RNF126: variants seen among roughly 807,000 people sequenced by gnomAD.
The protein encoded by RNF126 is ring finger protein 126.
A neutral mutation model predicts 41.9 loss-of-function variants in RNF126; 20 were observed. The observed-to-expected ratio is 0.48, with a 90% confidence interval of 0.34 to 0.69. The LOEUF is 0.69. Ranked by LOEUF, RNF126 falls within the 30% of genes least tolerant of loss-of-function variation. The pLI is 0.01. For synonymous variants in RNF126, 239 were observed against 202.9 expected, an observed-to-expected ratio of 1.18 and a Z score of -1.51; for missense variants, 433 against 460.6, an observed-to-expected ratio of 0.94 and a Z score of 0.55.
chr19:652,140 G>A (rs2030334395), intron 3 of RNF126, 93 bp downstream of exon 3: 5 of 1,097,078 alleles, frequency 4.6e-6, no homozygotes, highest in Non-Finnish European at 6.3e-6. Flanking sequence ...GTGCGGGCAG[G>A]GAGAGCCGGG....
At chr19:660,265 G>A (rs971617255) in intron 1 of RNF126, among the ~76,000 whole-genome samples, 2 of 152,258 alleles carry the variant, frequency 1.3e-5, no homozygotes, top group Non-Finnish European at 2.9e-5. Flanking sequence ...CAGGTGAGGA[G>A]ACTGAGGCCA....
rs994988852 is a variant in RNF126 at position 651,838 on chromosome 19, C to G, written c.216G>C (p.Leu72=). The change falls in exon 4 of 9, where the codon CTG becomes CTC. Residue 72 remains leucine (L), a synonymous_variant. Coordinates refer to ENST00000292363, the MANE Select transcript of RNF126 (RefSeq NM_194460.3). ...RPPLEHVDQH[L]FTLPQGYGQF... ...GTCCGTAGCCCTGCGGCAGCGTGAA[C>G]AGGTGCTGGTCCACGTGCTGGGGAG... 9 of 1,610,892 alleles carry G rather than the reference C, an allele frequency of 5.6e-6. 1 individual carries two copies. Among genetic ancestry groups the G allele is most frequent in the African/African-American group, 2.7e-5 (2 of 74,872 alleles).
chr19:655,372 CAA>C (rs1277929573), intron 1 of RNF126, among the ~76,000 whole-genome samples: 1 of 151,434 alleles, frequency 6.6e-6, no homozygotes, highest in Non-Finnish European at 1.5e-5. Flanking sequence ...TAAAAACGGG[CAA>C]AGTCGGGAGG....
chr19:662,548 G>C (rs1365593154), intron 1 of RNF126, among the ~76,000 whole-genome samples: 2 of 152,116 alleles, frequency 1.3e-5, no homozygotes, highest in African/African-American at 4.8e-5. Context: ...AGCCTGCAGC[G>C]AGGCGCCGGC....
chr19:654,914 C>A (rs1194473923), intron 1 of RNF126, among the ~76,000 whole-genome samples: 1 of 151,672 alleles, frequency 6.6e-6, no homozygotes, highest in Non-Finnish European at 1.5e-5. Flanking sequence ...CTGCAACGAG[C>A]CGAGATCATG....
chr19:651,681 G>C lies in RNF126; in HGVS notation c.373C>G (p.Arg125Gly). The stretch of plus-strand genomic sequence containing the variant: ...GTGGTGAGGCGGGCGCGGGGCTGTC[G>C]GGCGCCGTACCGGTGCCGGGACGGA... The part of the protein sequence containing the change: ...DHPSRHRYGA[R>G]QPRARLTTRR... Residue 125 changes from arginine (R) to glycine (G), a missense_variant, in exon 4 of 9, where the codon CGA becomes GGA. Physicochemically the swap from Arg to Gly is moderately radical, Grantham distance 125. This residue lies in a region of RNF126 where 247 missense variants were observed against 224.7 expected (regional missense o/e 1.10). Transcript: ENST00000292363. 6.3e-7 allele frequency: 1 copy of C among 1,578,628 alleles called. No individual in the cohort carries two copies. Among genetic ancestry groups the C allele is most frequent in the Non-Finnish European group, 8.6e-7 (1 of 1,163,706 alleles).
chr19:659,766 CTTTTT>C lies in RNF126; in HGVS notation c.75+3276_75+3280del, dbSNP rs35641190. 2.9e-5 allele frequency among the ~76,000 whole-genome samples: 4 copies of C among 138,846 alleles called. No homozygotes were observed. Among genetic ancestry groups the C allele is most frequent in the African/African-American group, 8.0e-5 (3 of 37,414 alleles). The allele number at this position is 138,846 out of a possible 152,430, so 91.1% of individuals were successfully genotyped here. On this transcript the variant is annotated intron_variant, in intron 1 of 8. Transcript: ENST00000292363. This position sits in a 1 kb window ranked among gnomAD's most constrained non-coding sequence, Gnocchi z 4.9. Reference sequence around the variant, plus strand: ...GACACCCAGACACCCTCGTCATCGCCTTTTTTTTTTTTTTTTGGAAGGAGTCTTGC... The same window carrying C: ...GACACCCAGACACCCTCGTCATCGCCTTTTTTTTTTTGGAAGGAGTCTTGC...
Position 651,655 on chromosome 19 carries a change from C to T in RNF126, c.399G>A (p.Thr133=), listed in dbSNP as rs540219467. 3.2e-3 allele frequency: 4,906 copies of T among 1,531,182 alleles called. 12 individuals carry two copies. The highest frequency in any genetic ancestry group is 3.5e-3 in the Non-Finnish European group (3,962 of 1,138,948). The allele number at this position is 1,531,182 out of a possible 1,614,324, so 94.8% of individuals were successfully genotyped here. A position where few individuals can be genotyped will look rare whatever the true frequency, so the allele number is the denominator to read the frequency against. ...GARQPRARLT[T]RRATGRHEGV... ...CTTCGTGCCGGCCGGTGGCCCGCCGCGTGGTGAGGCGGGCGCGGGGCTGTC... is the reference window on the plus strand; with the variant it reads ...CTTCGTGCCGGCCGGTGGCCCGCCGTGTGGTGAGGCGGGCGCGGGGCTGTC... Residue 133 remains threonine, a synonymous_variant, in exon 4 of 9, where the codon ACG becomes ACA. Coordinates refer to ENST00000292363, the MANE Select transcript of RNF126 (RefSeq NM_194460.3).
At chr19:660,885 C>T (rs1001842926) in intron 1 of RNF126, among the ~76,000 whole-genome samples, 2 of 152,248 alleles carry the variant, frequency 1.3e-5, no homozygotes, top group Non-Finnish European at 1.5e-5. Flanking sequence ...CGCCTTGTTG[C>T]GTCCTGCTCC....
chr19:653,705 G>C (rs2030433557), intron 1 of RNF126, among the ~76,000 whole-genome samples: 1 of 152,118 alleles, frequency 6.6e-6, no homozygotes. Flanking sequence ...CCAGGGGCTG[G>C]GCAGATGCCG....
chr19:663,062 G>A lies in RNF126; in HGVS notation c.60C>T (p.Ile20=), dbSNP rs1416285861. ...RYFCHCCSVE[I]VPRLPDYICP... ...CGGGCCTCACCGGCAGGCGCGGGAC[G>A]ATCTCCACGGAGCAGCAGTGGCAGA... The change falls in exon 1 of 9, where the codon ATC becomes ATT. Residue 20 remains isoleucine (I), a synonymous_variant. Coordinates refer to ENST00000292363, the MANE Select transcript of RNF126 (RefSeq NM_194460.3). 4 of 1,377,890 alleles carry A rather than the reference G, an allele frequency of 2.9e-6. No individual in the cohort carries two copies. The highest frequency in any genetic ancestry group is 1.9e-6 in the Non-Finnish European group (2 of 1,060,884). 85.4% of individuals were successfully genotyped at this position (1,377,890 alleles called of 1,614,324 possible).
intron 5 of RNF126, among the ~76,000 whole-genome samples, chr19:650,023 T>C (rs2030195899): frequency 7.0e-6 from 1 of 142,782 alleles, no homozygotes; most frequent in Non-Finnish European, 1.5e-5. Flanking sequence ...AGGCTGGGGA[T>C]GGGGACAGGC....
Position 648,213 on chromosome 19 carries a change from C to G in RNF126, c.851G>C (p.Gly284Ala). 2 of 1,604,944 alleles carry G rather than the reference C, an allele frequency of 1.2e-6. No individual in the cohort carries two copies. The highest frequency in any genetic ancestry group is 1.7e-6 in the Non-Finnish European group (2 of 1,175,940). Residue 284 changes from glycine to alanine, a missense_variant, in exon 9 of 9, where the codon GGC becomes GCC. Physicochemically the swap from Gly to Ala is moderately conservative, Grantham distance 60. Around this residue, in one of 5 missense-constraint regions of RNF126, gnomAD observed 63 missense variants for 47.9 expected, o/e 1.32. Coordinates refer to ENST00000292363, the MANE Select transcript of RNF126 (RefSeq NM_194460.3). The stretch of plus-strand genomic sequence containing the variant: ...GGAGGAGAAGCTCACCCCAGTGAGG[C>G]CAGGGGGGTTCGTGGCCGTGTTCTG... ...TGQNTATNPP[G>A]LTGVSFSSSS...
At chr19:650,460 G>C (rs1451048660) in intron 4 of RNF126, 164 bp from the exon 5 acceptor site, 2 of 594,158 alleles carry the variant, frequency 3.4e-6, no homozygotes, top group Admixed American at 6.4e-5. Context: ...CTCTAATGCC[G>C]AGGCAGGAGA....
intron 6 of RNF126, 91 bp downstream of exon 6, chr19:649,588 G>A: frequency 9.5e-7 from 1 of 1,054,478 alleles, no homozygotes; most frequent in South Asian, 1.4e-5. Flanking sequence ...ACCTTTGTGG[G>A]GCTTCGTGGG....
intron 2 of RNF126, 87 bp downstream of exon 2, chr19:652,739 C>CG (rs1197204462): frequency 8.0e-6 from 10 of 1,247,904 alleles, no homozygotes; most frequent in South Asian, 3.7e-5. Context: ...CCACACTCGG[C>CG]GGGGCGGACG....
chr19:663,156 C>A lies in RNF126; in HGVS notation c.-35G>T, dbSNP rs916432453. ...CACCTACTCCGCGCCGCCCGCCCCC[C>A]GCGCGGCACCCGCCGCCGGCCGTTT... On this transcript the variant is annotated 5_prime_UTR_variant, in exon 1 of 9. Transcript: ENST00000292363. 1.8e-6 allele frequency: 2 copies of A among 1,092,644 alleles called. No homozygotes were observed. The allele number at this position is 1,092,644 out of a possible 1,614,324, so 67.7% of individuals were successfully genotyped here. A position where few individuals can be genotyped will look rare whatever the true frequency, so the allele number is the denominator to read the frequency against.
At position 652,502 on chromosome 19, in the gene RNF126, C is replaced by T. The variant is rs537982514; in HGVS notation, c.135-206G>A. The stretch of plus-strand genomic sequence containing the variant: ...GGGTTTCTCGATAAACCGGTGCAGA[C>T]CCCAACAGCCTCCTAAGCGTGAGAA... On this transcript the variant is annotated intron_variant, in intron 2 of 8. Coordinates refer to ENST00000292363, the MANE Select transcript of RNF126 (RefSeq NM_194460.3). 885 of 603,904 alleles carry T rather than the reference C, an allele frequency of 1.5e-3. 3 individuals carry two copies. Among genetic ancestry groups the T allele is most frequent in the Admixed American group, 2.2e-3 (71 of 32,448 alleles). The allele number at this position is 603,904 out of a possible 1,614,324, so 37.4% of individuals were successfully genotyped here.
At chr19:656,216 G>T (rs1009144273) in intron 1 of RNF126, among the ~76,000 whole-genome samples, 1 of 152,044 alleles carries the variant, frequency 6.6e-6, no homozygotes. Flanking sequence ...AAATAAATGG[G>T]CCAGGCGCCT....
Sources: gnomAD v4.1 joint callset for allele counts (sites outside exome capture counted in the v4.1 genomes callset) on GRCh38, gnomAD v4.1.1 for gene constraint, gnomAD v4.1.1 regional missense constraint, Gnocchi (gnomAD v3.1) non-coding constraint, MANE v1.5 for transcripts, NCBI Gene and HGNC (gene_info 2026-07-23, HGNC 2026-07-21) for gene names.